ZNRF2: variants seen among roughly 807,000 people sequenced by gnomAD.
ZNRF2 encodes the protein zinc and ring finger 2.
ZNRF2 carries 16 observed loss-of-function variants against 20.4 expected under a neutral mutation model. The ratio of observed to expected loss-of-function variants is 0.79; its 90% CI spans 0.53 to 1.19. The LOEUF (loss-of-function observed/expected upper bound fraction) is 1.19, where lower values mean the gene tolerates loss of function less well. Among genes scored for constraint, ZNRF2 ranks in the 50% most tolerant of loss-of-function variants. The probability of loss-of-function intolerance (pLI) is 0.00; values close to 1 mark genes in which losing one functional copy is unlikely to be tolerated. For missense variants in ZNRF2, 363 were observed against 332.4 expected, an observed-to-expected ratio of 1.09 and a Z score of -0.72; for synonymous variants, 178 against 144.9, an observed-to-expected ratio of 1.23 and a Z score of -1.64.
chr7:30,357,270 A>G (rs1390018891), intron 3 of ZNRF2, among the ~76,000 whole-genome samples: 1 of 152,228 alleles, frequency 6.6e-6, no homozygotes, highest in Non-Finnish European at 1.5e-5. Context: ...ACATAAAGCA[A>G]ATCGCAGCAA....
chr7:30,310,087 G>A (rs904072388), intron 1 of ZNRF2, among the ~76,000 whole-genome samples: 2 of 152,166 alleles, frequency 1.3e-5, no homozygotes, highest in Non-Finnish European at 2.9e-5. Context: ...CAGTAGCTAC[G>A]TTGTGAGGGT....
At chr7:30,361,203 C>G (rs1350562984) in intron 3 of ZNRF2, among the ~76,000 whole-genome samples, 1 of 152,192 alleles carries the variant, frequency 6.6e-6, no homozygotes, top group East Asian at 1.9e-4. Context: ...CTGGTAGACA[C>G]AGTGGAACTT....
chr7:30,311,094 GCTGCGGTACTCT>G (rs1244298786), intron 1 of ZNRF2, among the ~76,000 whole-genome samples: 8 of 152,120 alleles, frequency 5.3e-5, no homozygotes, highest in Non-Finnish European at 8.8e-5. Flanking sequence ...CCAGTCTACT[GCTGCGGTACTCT>G]CTGCGCTGTA....
chr7:30,337,804 G>A (rs906938625), intron 2 of ZNRF2, among the ~76,000 whole-genome samples: 2 of 151,604 alleles, frequency 1.3e-5, no homozygotes, highest in African/African-American at 4.8e-5. Flanking sequence ...TTTTGAACAG[G>A]TAATATGTTT....
At chr7:30,312,268 A>G (rs1221167088) in intron 1 of ZNRF2, among the ~76,000 whole-genome samples, 1 of 152,168 alleles carries the variant, frequency 6.6e-6, no homozygotes, top group East Asian at 1.9e-4. Context: ...GACGCGAGCT[A>G]CTATGCCAGC....
intron 2 of ZNRF2, among the ~76,000 whole-genome samples, chr7:30,341,731 T>TA (rs1799798245): frequency 1.3e-5 from 2 of 152,210 alleles, no homozygotes; most frequent in South Asian, 2.1e-4. Flanking sequence ...GGATGTCTCT[T>TA]ACGTCAGCTT....
chr7:30,293,486 T>G (rs1298922258), intron 1 of ZNRF2, among the ~76,000 whole-genome samples: 1 of 152,160 alleles, frequency 6.6e-6, no homozygotes, highest in Non-Finnish European at 1.5e-5. Context: ...TGGCCTCAAG[T>G]GATTCGCCCA....
chr7:30,308,713 T>G (rs890206574), intron 1 of ZNRF2, among the ~76,000 whole-genome samples: 1 of 152,202 alleles, frequency 6.6e-6, no homozygotes, highest in Non-Finnish European at 1.5e-5. Flanking sequence ...TGTTTGAGAG[T>G]TTGTATTTCT....
chr7:30,297,839 T>G (rs1459212833), intron 1 of ZNRF2, among the ~76,000 whole-genome samples: 1 of 152,082 alleles, frequency 6.6e-6, no homozygotes, highest in Non-Finnish European at 1.5e-5. Flanking sequence ...GTCTTTGGTT[T>G]TTGTTCTTTT....
chr7:30,346,083 T>C (rs553085284), intron 2 of ZNRF2, among the ~76,000 whole-genome samples: 13 of 150,700 alleles, frequency 8.6e-5, no homozygotes, highest in African/African-American at 3.2e-4. Flanking sequence ...GCCCAAAATA[T>C]TTTTTCATTT....
intron 3 of ZNRF2, among the ~76,000 whole-genome samples, chr7:30,356,947 T>C (rs1370994910): frequency 1.3e-5 from 2 of 152,138 alleles, no homozygotes; most frequent in Non-Finnish European, 2.9e-5. Context: ...CCGCATGATG[T>C]GCCCGCCTTG....
rs42595 is a variant in ZNRF2, at chr7:30,366,855, A to G, written c.*843A>G. 12,929 of 152,580 alleles carry G rather than the reference A, an allele frequency of 0.085. 735 individuals are homozygous for G. Among genetic ancestry groups the G allele is most frequent in the African/African-American group, 0.16 (6,467 of 41,512 alleles). The allele number at this position is 152,580 out of a possible 1,614,324, so 9.5% of individuals were successfully genotyped here. A position where few individuals can be genotyped will look rare whatever the true frequency, so the allele number is the denominator to read the frequency against. On this transcript the variant is annotated 3_prime_UTR_variant, in exon 5 of 5. Transcript: ENST00000323037. ...AATTTAAAAAAAATACAGATTACCA[A>G]TTTCAAGTGCTGCCAGCTAAAATAA...
At chr7:30,314,982 A>T (rs1583576995) in intron 1 of ZNRF2, among the ~76,000 whole-genome samples, 2 of 151,940 alleles carry the variant, frequency 1.3e-5, no homozygotes. Context: ...ATGTCTGGCT[A>T]ATTTTTTGTA....
chr7:30,301,989 G>A (rs976661008), intron 1 of ZNRF2, among the ~76,000 whole-genome samples: 2 of 152,144 alleles, frequency 1.3e-5, no homozygotes, highest in African/African-American at 4.8e-5. Flanking sequence ...CCTGGTGTTC[G>A]CAAGGCAGTT....
intron 1 of ZNRF2, among the ~76,000 whole-genome samples, chr7:30,307,009 TCTG>T (rs1166815322): frequency 6.6e-6 from 1 of 152,152 alleles, no homozygotes; most frequent in African/African-American, 2.4e-5. Flanking sequence ...TTTTTTCTAC[TCTG>T]CTACCTCTAT....
chr7:30,296,937 G>A (rs1337666119), intron 1 of ZNRF2, among the ~76,000 whole-genome samples: 2 of 152,160 alleles, frequency 1.3e-5, no homozygotes, highest in East Asian at 1.9e-4. Flanking sequence ...TTCTTTAGCT[G>A]TTATCTGGAG....
At chr7:30,329,153 T>A (rs1212359075) in intron 2 of ZNRF2, among the ~76,000 whole-genome samples, 5 of 152,118 alleles carry the variant, frequency 3.3e-5, no homozygotes, top group African/African-American at 9.7e-5. Context: ...TTTTAAAAAA[T>A]TTTATTATGT....
intron 2 of ZNRF2, among the ~76,000 whole-genome samples, chr7:30,347,545 T>G (rs1401141566): frequency 1.3e-5 from 2 of 152,028 alleles, no homozygotes; most frequent in Non-Finnish European, 2.9e-5. Flanking sequence ...CACCCTTTCC[T>G]TAGAACAATT....
chr7:30,286,026 T>G (rs1562600360), intron 1 of ZNRF2, among the ~76,000 whole-genome samples, 200 bp downstream of exon 1: 1 of 152,224 alleles, frequency 6.6e-6, no homozygotes, highest in Non-Finnish European at 1.5e-5. Flanking sequence ...CATAGACGCG[T>G]GGTTTTGTTT....
Sources: gnomAD v4.1 joint callset for allele counts (sites outside exome capture counted in the v4.1 genomes callset) on GRCh38, gnomAD v4.1.1 for gene constraint, MANE v1.5 for transcripts, NCBI Gene and HGNC (gene_info 2026-07-23, HGNC 2026-07-21) for gene names.